CHN2: variants seen among roughly 807,000 people sequenced by gnomAD.
CHN2 encodes the protein chimerin 2.
CHN2 carries 35 observed loss-of-function variants against 56.3 expected under a neutral mutation model. That is an observed-to-expected ratio of 0.62 (90% CI 0.47 to 0.82). CHN2 has a LOEUF of 0.82. Ranked by LOEUF, CHN2 falls within the 40% of genes least tolerant of loss-of-function variation. CHN2 has a pLI of 0.00. For synonymous variants in CHN2, 210 were observed against 212.8 expected (o/e 0.99, Z 0.12); for missense variants, 491 against 580.5 (o/e 0.85, Z 1.58).
At chr7:29,443,493 A>T (rs900652384) in intron 6 of CHN2, among the ~76,000 whole-genome samples, 1 of 152,238 alleles carries the variant, frequency 6.6e-6, no homozygotes, top group African/African-American at 2.4e-5. Context: ...TATCTCTGTC[A>T]TTAAGCAATA....
At chr7:29,399,122 A>G (rs1224909221) in intron 5 of CHN2, among the ~76,000 whole-genome samples, 2 of 152,160 alleles carry the variant, frequency 1.3e-5, no homozygotes, top group Admixed American at 1.3e-4. Flanking sequence ...CGCAGATGCT[A>G]TCGGTAGGTG....
At chr7:29,319,911 C>G (rs1236454730) in intron 1 of CHN2, among the ~76,000 whole-genome samples, 1 of 152,178 alleles carries the variant, frequency 6.6e-6, no homozygotes, top group African/African-American at 2.4e-5. Flanking sequence ...CTTCCCCTCC[C>G]CGACCTCACT....
At chr7:29,287,703 GTTGTCAC>G (rs1304457901) in intron 1 of CHN2, among the ~76,000 whole-genome samples, 2 of 152,164 alleles carry the variant, frequency 1.3e-5, no homozygotes, top group Non-Finnish European at 2.9e-5. Context: ...GGTTGTGTTT[GTTGTCAC>G]TTAACCCAAA....
chr7:29,510,475 G>T (rs1343524283), intron 12 of CHN2, among the ~76,000 whole-genome samples: 1 of 152,136 alleles, frequency 6.6e-6, no homozygotes, highest in Non-Finnish European at 1.5e-5. Flanking sequence ...GCTTGATGGT[G>T]GTAGCATCCA....
intron 1 of CHN2, among the ~76,000 whole-genome samples, chr7:29,216,978 G>C (rs1399108500): frequency 1.3e-5 from 2 of 152,162 alleles, no homozygotes; most frequent in African/African-American, 4.8e-5. Context: ...TTTCTCCCCA[G>C]TGTACTAACA....
At chr7:29,495,564 C>A (rs891633767) in intron 7 of CHN2, among the ~76,000 whole-genome samples, 5 of 152,178 alleles carry the variant, frequency 3.3e-5, no homozygotes, top group Non-Finnish European at 5.9e-5. Context: ...GGGAAAACTT[C>A]AGTCAAAAGG....
intron 2 of CHN2, among the ~76,000 whole-genome samples, chr7:29,153,315 C>T (rs755222610): frequency 2.0e-5 from 3 of 152,254 alleles, no homozygotes; most frequent in Non-Finnish European, 2.9e-5. Context: ...ACAGTTGACC[C>T]TTGAACGCAT....
intron 6 of CHN2, among the ~76,000 whole-genome samples, chr7:29,417,349 T>C (rs1244144475): frequency 1.4e-4 from 21 of 150,844 alleles, no homozygotes; most frequent in African/African-American, 4.9e-4. Context: ...TTTTTTTTTT[T>C]TTTTAAGACA....
chr7:29,387,021 C>A (rs1016620060), intron 3 of CHN2, among the ~76,000 whole-genome samples: 1 of 152,166 alleles, frequency 6.6e-6, no homozygotes, highest in Non-Finnish European at 1.5e-5. Flanking sequence ...TAGGGGTGGT[C>A]CCCATCTAGG....
chr7:29,445,663 A>G (rs1585417907), intron 6 of CHN2, among the ~76,000 whole-genome samples: 1 of 152,038 alleles, frequency 6.6e-6, no homozygotes, highest in East Asian at 1.9e-4. Flanking sequence ...CACTGCTATA[A>G]TCAACTCAGG....
chr7:29,490,612 A>C (rs1788553373), intron 7 of CHN2, among the ~76,000 whole-genome samples: 1 of 152,208 alleles, frequency 6.6e-6, no homozygotes, highest in African/African-American at 2.4e-5. Context: ...ATAGGATATA[A>C]TTCATCTGTC....
chr7:29,433,114 C>CT (rs1782969392), intron 6 of CHN2, among the ~76,000 whole-genome samples: 1 of 152,228 alleles, frequency 6.6e-6, no homozygotes, highest in Admixed American at 6.5e-5. Flanking sequence ...TCAGCAGACA[C>CT]TTATCATGAC....
Position 29,513,098 on chromosome 7 carries a change from T to C in CHN2, c.*363T>C, listed in dbSNP as rs1791679206. 2 of 169,700 alleles carry C rather than the reference T, an allele frequency of 1.2e-5. No homozygotes were observed. The highest frequency in any genetic ancestry group is 2.5e-5 in the Non-Finnish European group (2 of 79,292). 10.5% of individuals were successfully genotyped at this position (169,700 alleles called of 1,614,324 possible). ...TTCATACAGGTACTTGATACAGTTATACATTTTCCACTTACAAAAAGAAGA... is the reference window on the plus strand; with the variant it reads ...TTCATACAGGTACTTGATACAGTTACACATTTTCCACTTACAAAAAGAAGA... On this transcript the variant is annotated 3_prime_UTR_variant, in exon 13 of 13. Transcript: ENST00000222792.
intron 6 of CHN2, among the ~76,000 whole-genome samples, chr7:29,468,190 T>C (rs1483644077): frequency 7.5e-6 from 1 of 132,764 alleles, no homozygotes; most frequent in Admixed American, 8.5e-5. Flanking sequence ...GGTGTTGAGA[T>C]TGATGATGCC....
intron 7 of CHN2, among the ~76,000 whole-genome samples, chr7:29,482,993 T>G (rs1213459041): frequency 6.6e-6 from 1 of 151,614 alleles, no homozygotes; most frequent in Non-Finnish European, 1.5e-5. Flanking sequence ...GGCTAATTTT[T>G]TGTATTTTTA....
chr7:29,195,217 T>TA lies in CHN2; in HGVS notation c.49+228dup, dbSNP rs1279190300. 12 of 461,688 alleles carry TA rather than the reference T, an allele frequency of 2.6e-5. 1 individual carries two copies. Among genetic ancestry groups the TA allele is most frequent in the Admixed American group, 4.4e-5 (1 of 22,550 alleles). 28.6% of individuals were successfully genotyped at this position (461,688 alleles called of 1,614,324 possible). A position where few individuals can be genotyped will look rare whatever the true frequency, so the allele number is the denominator to read the frequency against. On this transcript the variant is annotated intron_variant, in intron 1 of 12. Coordinates refer to ENST00000222792, the MANE Select transcript of CHN2 (RefSeq NM_004067.4). ...AGAGGTGGGAGAGCGGTGGTGCCCT[T>TA]AGTGTGCGGACGCGGGTGTTCCGGG...
Position 29,480,271 on chromosome 7 carries a change from G to A in CHN2, c.577-8G>A, listed in dbSNP as rs199586402. 325 of 1,614,188 alleles carry A rather than the reference G, an allele frequency of 2.0e-4. No individual in the cohort carries two copies. Among genetic ancestry groups the A allele is most frequent in the Non-Finnish European group, 2.6e-4 (312 of 1,180,044 alleles). ...TGGCCCCCTCTCAAACTCTTTGCCTGTTCACAGATCTCCTCCCTGGTTCGA... is the reference window on the plus strand; with the variant it reads ...TGGCCCCCTCTCAAACTCTTTGCCTATTCACAGATCTCCTCCCTGGTTCGA... On this transcript the variant is annotated splice_polypyrimidine_tract_variant and splice_region_variant and intron_variant, in intron 6 of 12. Transcript: ENST00000222792.
intron 8 of CHN2, among the ~76,000 whole-genome samples, chr7:29,498,975 C>T (rs1789627374): frequency 6.6e-6 from 1 of 151,992 alleles, no homozygotes; most frequent in Admixed American, 6.5e-5. Context: ...TGACTGGTCT[C>T]AAACTCCTGG....
At chr7:29,321,825 C>A (rs1795386296) in intron 1 of CHN2, among the ~76,000 whole-genome samples, 1 of 152,150 alleles carries the variant, frequency 6.6e-6, no homozygotes, top group African/African-American at 2.4e-5. Flanking sequence ...CCGCCTCAGC[C>A]TCCCAAAGTG....
Sources: gnomAD v4.1 joint callset for allele counts (sites outside exome capture counted in the v4.1 genomes callset) on GRCh38, gnomAD v4.1.1 for gene constraint, MANE v1.5 for transcripts, NCBI Gene and HGNC (gene_info 2026-07-23, HGNC 2026-07-21) for gene names.